SPATA1: variants seen among roughly 807,000 people sequenced by gnomAD.
SPATA1 encodes the protein spermatogenesis-associated protein 1.
SPATA1 carries 57 observed loss-of-function variants against 59.6 expected under a neutral mutation model. The ratio of observed to expected loss-of-function variants is 0.96; its 90% confidence interval spans 0.77 to 1.19. SPATA1 has a LOEUF of 1.19. SPATA1 is among the 50% of genes most tolerant of loss of function. SPATA1 has a pLI of 0.00. For synonymous variants in SPATA1, 147 were observed against 163.9 expected, an observed-to-expected ratio of 0.90 and a Z score of 0.79; for missense variants, 448 against 480.7, an observed-to-expected ratio of 0.93 and a Z score of 0.64.
intron 2 of SPATA1, among the ~76,000 whole-genome samples, chr1:84,517,187 G>A (rs1490065587): frequency 6.6e-6 from 1 of 152,054 alleles, no homozygotes; most frequent in Non-Finnish European, 1.5e-5. Context: ...GGCTTCGCTA[G>A]GCTTCTAGCA....
intron 4 of SPATA1, among the ~76,000 whole-genome samples, chr1:84,561,807 A>G (rs571118416): frequency 1.3e-5 from 2 of 152,366 alleles, no homozygotes; most frequent in East Asian, 1.9e-4. Flanking sequence ...TTTTTTAGCA[A>G]TAAAGTATTT....
At chr1:84,558,624 A>G (rs1291147950), downstream of SPATA1, among the ~76,000 whole-genome samples, 7 of 151,166 alleles carry the variant, frequency 4.6e-5, no homozygotes, top group East Asian at 1.4e-3. Flanking sequence ...AAAGAGGCCA[A>G]GTGCAGTGGC....
At chr1:84,536,350 T>C (rs777055652) in intron 8 of SPATA1, among the ~76,000 whole-genome samples, 27 of 152,240 alleles carry the variant, frequency 1.8e-4, no homozygotes, top group Non-Finnish European at 2.8e-4. Flanking sequence ...TGGTTCATAC[T>C]GAGTAAATTT....
chr1:84,531,531 A>G (rs925109124), intron 6 of SPATA1, among the ~76,000 whole-genome samples: 1 of 150,636 alleles, frequency 6.6e-6, no homozygotes, highest in African/African-American at 2.5e-5. Context: ...CCAAACAAAA[A>G]TCAGTATGGG....
At chr1:84,558,600 T>A (rs1341004442), downstream of SPATA1, among the ~76,000 whole-genome samples, 5 of 145,480 alleles carry the variant, frequency 3.4e-5, no homozygotes, top group African/African-American at 1.1e-4. Context: ...CACTTTTTTT[T>A]AATTAAAAAA....
At chr1:84,540,852 G>T (rs1683874907) in intron 8 of SPATA1, among the ~76,000 whole-genome samples, 1 of 152,132 alleles carries the variant, frequency 6.6e-6, no homozygotes, top group Admixed American at 6.5e-5. Context: ...TGTTTTTAAA[G>T]AGTTGAAAAA....
At chr1:84,548,957 A>C (rs1217320719) in exon 11 of SPATA1, 1 of 1,571,052 alleles carries the variant, frequency 6.4e-7, no homozygotes, top group Admixed American at 1.9e-5. Context: ...AACATCACAG[A>C]CTCCAAGGTA....
At position 84,525,624 on chromosome 1, in the gene SPATA1, A is replaced by G. The variant is rs1183150303; in HGVS notation, c.262-72A>G. 3 of 1,359,286 alleles carry G rather than the reference A, an allele frequency of 2.2e-6. No homozygotes were observed. In the African/African-American group the frequency reaches 4.4e-5, roughly 20 times the overall value. 84.2% of individuals were successfully genotyped at this position (1,359,286 alleles called of 1,614,324 possible). A position where few individuals can be genotyped will look rare whatever the true frequency, so the allele number is the denominator to read the frequency against. ...GCCACAAATACATGCCTTCTGCAAA[A>G]AAAGTAGAGGTAAAAATAATTGAAA... On this transcript the variant is annotated intron_variant, in intron 4 of 12. Transcript: ENST00000490879.
chr1:84,513,512 G>A (rs894325072), intron 1 of SPATA1, among the ~76,000 whole-genome samples: 2 of 152,228 alleles, frequency 1.3e-5, no homozygotes, highest in Non-Finnish European at 2.9e-5. Context: ...GCAATGAGGA[G>A]ATTATTGTAA....
intron 1 of SPATA1, among the ~76,000 whole-genome samples, chr1:84,513,037 A>G (rs556827576): frequency 2.3e-4 from 33 of 142,282 alleles, no homozygotes; most frequent in Non-Finnish European, 3.7e-4. Context: ...TGAAAATCCC[A>G]CATGTTATAT....
downstream of SPATA1, among the ~76,000 whole-genome samples, chr1:84,555,627 G>C (rs1239639311): frequency 1.3e-5 from 2 of 152,120 alleles, no homozygotes; most frequent in Admixed American, 6.5e-5. Context: ...GATTCTACTT[G>C]AGCTCCTTTT....
intron 1 of SPATA1, among the ~76,000 whole-genome samples, chr1:84,515,654 T>C (rs1226294138): frequency 6.6e-6 from 1 of 152,166 alleles, no homozygotes; most frequent in Non-Finnish European, 1.5e-5. Context: ...AATTGTATCA[T>C]ACATTCTTGT....
chr1:84,532,103 A>G (rs1188644735), intron 6 of SPATA1, among the ~76,000 whole-genome samples: 1 of 152,228 alleles, frequency 6.6e-6, no homozygotes, highest in Non-Finnish European at 1.5e-5. Flanking sequence ...ATGTATGTGA[A>G]ATAAAAAATG....
At chr1:84,567,138 T>C (rs567943700), downstream of SPATA1, among the ~76,000 whole-genome samples, 1 of 152,382 alleles carries the variant, frequency 6.6e-6, no homozygotes, top group Admixed American at 6.5e-5. Context: ...TTTTTATACT[T>C]TGAACAATTT....
In SPATA1 at chr1:84,525,826, A is replaced by T. The variant is rs371300507; in HGVS notation, c.316-19A>T. On this transcript the variant is annotated intron_variant, in intron 5 of 12. Transcript: ENST00000490879. ...CTTTTAATTGCAAACTAACTTTTAA[A>T]ATTTCCTATATGTTTTAGGCTCTTC... 5 of 1,604,288 alleles carry T rather than the reference A, an allele frequency of 3.1e-6. No individual in the cohort carries two copies. Among genetic ancestry groups the T allele is most frequent in the Non-Finnish European group, 4.2e-6 (5 of 1,177,666 alleles).
At chr1:84,545,555 G>C (rs1684059282) in intron 9 of SPATA1, 79 bp from the exon 10 acceptor site, 3 of 1,417,464 alleles carry the variant, frequency 2.1e-6, no homozygotes, top group Non-Finnish European at 2.8e-6. Context: ...ACATTTTTAA[G>C]TTTTACACTC....
chr1:84,560,534 G>A (rs74095455), intron 4 of SPATA1, among the ~76,000 whole-genome samples: 1,964 of 152,232 alleles, frequency 0.013, 34 homozygotes, highest in African/African-American at 0.045. Context: ...CTCCCATGTC[G>A]GGTAAAATTA....
At chr1:84,561,191 G>A (rs937785822) in intron 4 of SPATA1, among the ~76,000 whole-genome samples, 2 of 152,144 alleles carry the variant, frequency 1.3e-5, no homozygotes, top group Non-Finnish European at 1.5e-5. Context: ...CATGGGAGGA[G>A]GTCAAAATAT....
chr1:84,544,505 AGTTT>A (rs1323187619), intron 9 of SPATA1, among the ~76,000 whole-genome samples: 1 of 152,150 alleles, frequency 6.6e-6, no homozygotes, highest in East Asian at 1.9e-4. Context: ...TAAATGGTAC[AGTTT>A]GTTATGTAAT....
Sources: gnomAD v4.1 joint callset for allele counts (sites outside exome capture counted in the v4.1 genomes callset) on GRCh38, gnomAD v4.1.1 for gene constraint, MANE v1.5 for transcripts, NCBI Gene and HGNC (gene_info 2026-07-23, HGNC 2026-07-21) for gene names.